The following NELL1 variants were observed in gnomAD, a reference collection of about 807,000 sequenced individuals.
The protein encoded by NELL1 is neural EGFL like 1.
Under a neutral mutation model 107.4 loss-of-function variants are expected in NELL1, and 76 were observed. The ratio of observed to expected loss-of-function variants is 0.71; its 90% confidence interval spans 0.59 to 0.86. The LOEUF (loss-of-function observed/expected upper bound fraction) is 0.86. NELL1 is among the 40% of genes least tolerant of loss of function. The pLI, the probability that NELL1 is intolerant of heterozygous loss-of-function variation, is 0.00. For missense variants in NELL1, 1,024 were observed against 1,005.5 expected, an observed-to-expected ratio of 1.02 and a Z score of -0.25; for synonymous variants, 353 against 341.2, an observed-to-expected ratio of 1.03 and a Z score of -0.38.
intron 3 of NELL1, among the ~76,000 whole-genome samples, chr11:20,826,043 C>G (rs1407972557): frequency 2.0e-5 from 3 of 151,322 alleles, no homozygotes; most frequent in Non-Finnish European, 3.0e-5. Context: ...CTTTGCTCTG[C>G]ACTTCTTCTT....
intron 12 of NELL1, among the ~76,000 whole-genome samples, chr11:21,068,311 A>G (rs1590605058): frequency 6.6e-6 from 1 of 152,244 alleles, no homozygotes; most frequent in South Asian, 2.1e-4. Context: ...TTTAATCATC[A>G]CAACATTCTC....
intron 1 of NELL1, among the ~76,000 whole-genome samples, chr11:20,674,910 T>G (rs1854014759): frequency 6.6e-6 from 1 of 152,166 alleles, no homozygotes; most frequent in African/African-American, 2.4e-5. Flanking sequence ...GTCAATATTG[T>G]CATAATAATT....
At chr11:20,716,909 C>T (rs1325017415) in intron 2 of NELL1, among the ~76,000 whole-genome samples, 1 of 145,592 alleles carries the variant, frequency 6.9e-6, no homozygotes, top group East Asian at 1.9e-4. Context: ...ATCTAAATGG[C>T]ATAATACAAA....
chr11:21,560,370 C>A lies in NELL1; in HGVS notation c.1968C>A (p.Val656=). The change falls in exon 17 of 20, where the codon GTC becomes GTA. Residue 656 remains valine, a synonymous_variant. Transcript: ENST00000357134. ...CCTTGAAAGAAGACAGGTGTTCTGT[C>A]TGCTCCTGCAAGGTGAGGCTGATGT... The part of the protein sequence containing the change: ...VWTLKEDRCS[V]CSCKDGKIFC... 6.3e-7 allele frequency: 1 copy of A among 1,583,984 alleles called. No homozygotes were observed. The highest frequency in any genetic ancestry group is 8.6e-7 in the Non-Finnish European group (1 of 1,166,284).
chr11:20,829,791 A>G (rs1914984), intron 3 of NELL1, among the ~76,000 whole-genome samples: 10,271 of 150,160 alleles, frequency 0.068, 346 homozygotes, highest in South Asian at 0.089. Flanking sequence ...AGTTATTATT[A>G]TTTTTTTTTG....
intron 13 of NELL1, among the ~76,000 whole-genome samples, chr11:21,174,749 G>T (rs1856678247): frequency 6.6e-6 from 1 of 151,702 alleles, no homozygotes; most frequent in Non-Finnish European, 1.5e-5. Context: ...CCCTGGGAAT[G>T]CTCAGATTAG....
At chr11:21,396,348 C>T (rs909654077) in intron 15 of NELL1, among the ~76,000 whole-genome samples, 1 of 151,292 alleles carries the variant, frequency 6.6e-6, no homozygotes, top group East Asian at 2.0e-4. Context: ...AAACTCGTGG[C>T]AAAAAATATA....
chr11:20,859,794 A>G (rs1431814970), intron 4 of NELL1, among the ~76,000 whole-genome samples: 3 of 79,966 alleles, frequency 3.8e-5, no homozygotes, highest in African/African-American at 9.9e-5. Context: ...AGGAACTAAT[A>G]AGAGAGCACA....
At chr11:21,460,599 T>C (rs1438783461) in intron 15 of NELL1, among the ~76,000 whole-genome samples, 1 of 152,120 alleles carries the variant, frequency 6.6e-6, no homozygotes, top group Non-Finnish European at 1.5e-5. Context: ...GTACTCCTTA[T>C]AAATGCGAGA....
intron 3 of NELL1, among the ~76,000 whole-genome samples, chr11:20,794,465 G>C (rs577166319): frequency 5.3e-5 from 8 of 152,276 alleles, no homozygotes; most frequent in African/African-American, 1.9e-4. Flanking sequence ...AGTTTCAAAG[G>C]TTCACATGGA....
At chr11:21,068,781 G>A (rs192732962) in intron 12 of NELL1, among the ~76,000 whole-genome samples, 39 of 152,134 alleles carry the variant, frequency 2.6e-4, no homozygotes, top group African/African-American at 7.9e-4. Context: ...TAAATACTTG[G>A]GGCTGAATTA....
At chr11:21,410,429 A>G (rs1487658781) in intron 15 of NELL1, among the ~76,000 whole-genome samples, 1 of 151,886 alleles carries the variant, frequency 6.6e-6, no homozygotes, top group African/African-American at 2.4e-5. Flanking sequence ...AAAGCAGAGG[A>G]GAGAAGAGAA....
chr11:20,904,302 C>T (rs1053345995), intron 5 of NELL1, among the ~76,000 whole-genome samples: 10 of 151,672 alleles, frequency 6.6e-5, no homozygotes, highest in South Asian at 2.1e-4. Flanking sequence ...GTTCCCAACA[C>T]GAATAAATAA....
intron 3 of NELL1, among the ~76,000 whole-genome samples, chr11:20,810,875 T>C (rs528486594): frequency 2.1e-4 from 32 of 151,986 alleles, no homozygotes; most frequent in Non-Finnish European, 4.7e-4. Flanking sequence ...AATGAGTTTT[T>C]GTAGTTTCTT....
intron 13 of NELL1, among the ~76,000 whole-genome samples, chr11:21,177,154 A>T (rs921218186): frequency 6.6e-6 from 1 of 151,788 alleles, no homozygotes; most frequent in African/African-American, 2.4e-5. Flanking sequence ...AGAAATACAC[A>T]TTATTATGAA....
chr11:21,324,111 A>G (rs937924779), intron 14 of NELL1, among the ~76,000 whole-genome samples: 2 of 152,140 alleles, frequency 1.3e-5, no homozygotes, highest in African/African-American at 2.4e-5. Flanking sequence ...TGTGCCAGTC[A>G]TGGTGCTGGA....
intron 5 of NELL1, among the ~76,000 whole-genome samples, chr11:20,912,966 C>A (rs1850164641): frequency 6.6e-6 from 1 of 152,150 alleles, no homozygotes; most frequent in African/African-American, 2.4e-5. Context: ...TTGGAAACAG[C>A]AGGACAGCTA....
At chr11:20,817,847 T>C (rs569148906) in intron 3 of NELL1, among the ~76,000 whole-genome samples, 1 of 152,170 alleles carries the variant, frequency 6.6e-6, no homozygotes, top group South Asian at 2.1e-4. Context: ...TTTTTTTTGA[T>C]TTCTGCCTTG....
chr11:21,119,934 C>G (rs965024533), intron 13 of NELL1, among the ~76,000 whole-genome samples: 1 of 152,046 alleles, frequency 6.6e-6, no homozygotes, highest in Admixed American at 6.6e-5. Context: ...TGATTTACAA[C>G]AAAAGCATGC....
Sources: allele counts gnomAD v4.1 joint callset (sites outside exome capture counted in the v4.1 genomes callset), GRCh38; gene constraint gnomAD v4.1.1; transcripts MANE v1.5; gene names NCBI Gene and HGNC (gene_info 2026-07-23, HGNC 2026-07-21).